Variants in NEK1 observed in about 807,000 individuals in gnomAD.
NEK1 encodes serine/threonine-protein kinase Nek1.
A neutral mutation model predicts 182.1 loss-of-function variants in NEK1; 137 were observed. That is an observed-to-expected ratio of 0.75 (90% CI 0.65 to 0.87). The LOEUF is 0.87. NEK1 is among the 40% of genes least tolerant of loss of function. The probability of loss-of-function intolerance (pLI) is 0.00; values close to 1 mark genes in which losing one functional copy is unlikely to be tolerated. For synonymous variants in NEK1, 513 were observed against 492.2 expected (o/e 1.04, Z -0.56); for missense variants, 1,391 against 1,494.4 (o/e 0.93, Z 1.14).
At chr4:169,611,475 C>T (rs1337919765) in intron 2 of NEK1, among the ~76,000 whole-genome samples, 1 of 152,156 alleles carries the variant, frequency 6.6e-6, no homozygotes, top group Non-Finnish European at 1.5e-5. Flanking sequence ...AGATTGGATG[C>T]CACTTTTAAT....
intron 26 of NEK1, among the ~76,000 whole-genome samples, chr4:169,469,145 T>G (rs897795757): frequency 2.0e-5 from 3 of 152,186 alleles, no homozygotes; most frequent in Non-Finnish European, 4.4e-5. Flanking sequence ...CTTAGTTATT[T>G]CTTGTCTTCT....
chr4:169,446,062 T>G (rs1310870435), intron 27 of NEK1, among the ~76,000 whole-genome samples: 1 of 151,908 alleles, frequency 6.6e-6, no homozygotes, highest in African/African-American at 2.4e-5. Context: ...GAATGGTGCT[T>G]ATCAGAAGCT....
intron 5 of NEK1, among the ~76,000 whole-genome samples, chr4:169,591,155 A>T (rs11132809): frequency 6.3e-5 from 8 of 127,680 alleles, no homozygotes; most frequent in African/African-American, 2.9e-4. Context: ...CCCCCCCCCC[A>T]CTTCTTTAGG....
chr4:169,535,100 A>C (rs1758253814), intron 19 of NEK1, among the ~76,000 whole-genome samples: 1 of 152,052 alleles, frequency 6.6e-6, no homozygotes, highest in South Asian at 2.1e-4. Context: ...CTGGCAGATC[A>C]CCTGAGGTCA....
At chr4:169,592,398 G>A (rs1265616117) in intron 5 of NEK1, among the ~76,000 whole-genome samples, 4 of 152,116 alleles carry the variant, frequency 2.6e-5, no homozygotes, top group African/African-American at 7.2e-5. Flanking sequence ...TGACAAGAAT[G>A]AAGCACTTCT....
intron 12 of NEK1, among the ~76,000 whole-genome samples, chr4:169,565,008 G>A (rs1763459627): frequency 6.6e-6 from 1 of 152,010 alleles, no homozygotes; most frequent in Non-Finnish European, 1.5e-5. Flanking sequence ...CCAAGCAGTG[G>A]GTTCTTAGAA....
At chr4:169,535,377 G>A (rs957165378) in intron 19 of NEK1, among the ~76,000 whole-genome samples, 1 of 151,690 alleles carries the variant, frequency 6.6e-6, no homozygotes, top group Non-Finnish European at 1.5e-5. Flanking sequence ...TATAATGTCT[G>A]TATAGAATTA....
intron 30 of NEK1, 107 bp from the exon 31 acceptor site, chr4:169,424,907 A>G (rs1736109929): frequency 1.7e-6 from 2 of 1,164,370 alleles, no homozygotes; most frequent in African/African-American, 1.5e-5. Context: ...AAAAACCCAC[A>G]TATCAGGAAA....
intron 27 of NEK1, among the ~76,000 whole-genome samples, chr4:169,456,531 T>A (rs1742915107): frequency 6.6e-6 from 1 of 152,098 alleles, no homozygotes; most frequent in African/African-American, 2.4e-5. Flanking sequence ...GGAATTATAA[T>A]ACAACTGATA....
intron 31 of NEK1, among the ~76,000 whole-genome samples, chr4:169,418,275 T>C (rs755205390): frequency 1.1e-4 from 16 of 152,152 alleles, no homozygotes; most frequent in African/African-American, 2.4e-4. Context: ...AAGTGTAAAA[T>C]AGATCCACAA....
chr4:169,591,897 T>C (rs1335826653), intron 5 of NEK1, among the ~76,000 whole-genome samples: 1 of 152,098 alleles, frequency 6.6e-6, no homozygotes, highest in African/African-American at 2.4e-5. Context: ...GCTAGTTCTC[T>C]AAGATGCAAA....
intron 11 of NEK1, among the ~76,000 whole-genome samples, chr4:169,580,139 A>G (rs1766375201): frequency 6.6e-6 from 1 of 152,206 alleles, no homozygotes; most frequent in Admixed American, 6.5e-5. Flanking sequence ...CCTATCTTTA[A>G]TGAAGTGCTT....
rs879886066 is a variant in NEK1, at chr4:169,530,256, CA to C, written c.1665+7552del. ...TACAGTGCAGGAAAGAAACCAGTCA[CA>C]AAAGGTTACAACATACCATTACGTG... On this transcript the variant is annotated intron_variant, in intron 19 of 35. Transcript: ENST00000507142. Among the ~76,000 whole-genome samples the C allele has an allele frequency of 3.0e-4, 46 of 152,290 alleles. 1 individual carries two copies. The highest frequency in any genetic ancestry group is 2.6e-3 in the Admixed American group (40 of 15,302).
chr4:169,503,867 A>G (rs1752806520), intron 23 of NEK1, among the ~76,000 whole-genome samples: 2 of 152,106 alleles, frequency 1.3e-5, no homozygotes, highest in Non-Finnish European at 2.9e-5. Context: ...AAAATGGACA[A>G]ATGGACTTGA....
In NEK1 at chr4:169,477,475, C is replaced by T. The variant is rs370106222; in HGVS notation, c.2162G>A (p.Arg721Gln). 1.8e-5 allele frequency: 29 copies of T among 1,607,176 alleles called. No homozygotes were observed. The highest frequency in any genetic ancestry group is 5.0e-5 in the Admixed American group (3 of 59,596). Residue 721 changes from arginine to glutamine, a missense_variant, in exon 25 of 36, where the codon CGG (arginine) becomes CAG (glutamine). Physicochemically the swap from Arg to Gln is conservative, Grantham distance 43. Coordinates refer to ENST00000507142, the MANE Select transcript of NEK1 (RefSeq NM_001199397.3). ...VGVDSSLTDT[R>Q]ETSEEMQKTN... ...CTTTTGCATCTCTTCTGAAGTTTCC[C>T]GGGTATCAGTTAAACTACTGTCCTT...
chr4:169,606,406 T>C (rs1771345579), intron 2 of NEK1, among the ~76,000 whole-genome samples: 1 of 151,822 alleles, frequency 6.6e-6, no homozygotes, highest in African/African-American at 2.4e-5. Flanking sequence ...ATGCAGCAAC[T>C]GACTTAGGAG....
Position 169,438,251 on chromosome 4 carries a change from G to A in NEK1, c.2596C>T (p.Pro866Ser). The A allele has an allele frequency of 3.3e-6, 5 of 1,532,372 alleles. No individual in the cohort carries two copies. The highest frequency in any genetic ancestry group is 4.4e-6 in the Non-Finnish European group (5 of 1,137,274). The allele number at this position is 1,532,372 out of a possible 1,614,324, so 94.9% of individuals were successfully genotyped here. Residue 866 changes from proline to serine, a missense_variant, in exon 28 of 36, where the codon CCC becomes TCC. Pro to Ser is a moderately conservative substitution (Grantham distance 74). This residue lies in a region of NEK1 where 1,216 missense variants were observed against 1,277.6 expected (regional missense o/e 0.95). Coordinates refer to ENST00000507142, the MANE Select transcript of NEK1 (RefSeq NM_001199397.3). Reference sequence around the variant, plus strand: ...AAGGGTTTGTACTTTTCCCCTTCGGGAGAAATCTCTGTGAAAACAAAAAAT... The same window carrying A: ...AAGGGTTTGTACTTTTCCCCTTCGGAAGAAATCTCTGTGAAAACAAAAAAT... ...ENTTIRSEIS[P>S]EGEKYKPLIT...
At chr4:169,562,947 C>T (rs934395450) in intron 12 of NEK1, among the ~76,000 whole-genome samples, 2 of 152,058 alleles carry the variant, frequency 1.3e-5, no homozygotes, top group Admixed American at 6.6e-5. Flanking sequence ...TTTCAAGGTT[C>T]ATTCATGTTA....
rs1435530908 is a variant in NEK1, at chr4:169,545,821, A to G, written c.1563-7910T>C. On this transcript the variant is annotated intron_variant, in intron 18 of 35. Coordinates refer to ENST00000507142, the MANE Select transcript of NEK1 (RefSeq NM_001199397.3). ...GACCAGTGATGATGAGCATTTTTTC[A>G]TGTGTTTTTTGGCTGCATAAATGTC... 2.0e-5 allele frequency among the ~76,000 whole-genome samples: 3 copies of G among 152,022 alleles called. No individual in the cohort carries two copies. The East Asian group carries it at 5.8e-4, about 29-fold the overall frequency.
Sources: allele counts gnomAD v4.1 joint callset (sites outside exome capture counted in the v4.1 genomes callset), GRCh38; gene constraint gnomAD v4.1.1; regional missense constraint gnomAD v4.1.1; transcripts MANE v1.5; gene names NCBI Gene and HGNC (gene_info 2026-07-23, HGNC 2026-07-21).